Variants in BLK observed in about 807,000 individuals in gnomAD.
The protein encoded by BLK is BLK proto-oncogene, Src family tyrosine kinase.
A neutral mutation model predicts 61.8 loss-of-function variants in BLK; 64 were observed. That is an observed-to-expected ratio of 1.03 (90% confidence interval 0.85 to 1.27). BLK has a LOEUF of 1.27. Among genes scored for constraint, BLK ranks in the 50% most tolerant of loss-of-function variants. The probability of loss-of-function intolerance (pLI) is 0.00; values close to 1 mark genes in which losing one functional copy is unlikely to be tolerated. For synonymous variants in BLK, 351 were observed against 272.0 expected (o/e 1.29, Z -2.86); for missense variants, 853 against 660.5 (o/e 1.29, Z -3.19).
Position 11,549,086 on chromosome 8 carries a change from A to G in BLK, c.332A>G (p.Asn111Ser). Residue 111 changes from asparagine to serine, a missense_variant, in exon 5 of 13, where the codon AAC becomes AGC. Coordinates refer to ENST00000259089, the MANE Select transcript of BLK (RefSeq NM_001715.3). ...VTGREGYVPS[N>S]FVARVESLEM... ...GGAAGAGAAGGCTATGTGCCCAGTA[A>G]CTTTGTGGCCCGAGTGGAGAGCCTG... 1 of 1,611,016 alleles carries G rather than the reference A, an allele frequency of 6.2e-7. No homozygotes were observed. The highest frequency in any genetic ancestry group is 8.5e-7 in the Non-Finnish European group (1 of 1,178,862).
At chr8:11,509,557 G>A (rs556693865) in intron 1 of BLK, 5 of 152,204 alleles carry the variant, frequency 3.3e-5, no homozygotes, top group Non-Finnish European at 7.3e-5. Context: ...CAGTCTCCCA[G>A]CTCGGGTTCT....
chr8:11,520,147 G>T (rs999564329), intron 1 of BLK, among the ~76,000 whole-genome samples: 23 of 152,034 alleles, frequency 1.5e-4, no homozygotes, highest in African/African-American at 4.4e-4. Context: ...TATGATTAAG[G>T]AGGGCTCATT....
rs13439390 is a variant in BLK at position 11,522,414 on chromosome 8, A to T, written c.-1-20810A>T. Reference sequence around the variant, plus strand: ...AAAACTCTCAGGTATTGCTGGTGGGATGATAAATGGGTTCGATCGCTTTGG... The same window carrying T: ...AAAACTCTCAGGTATTGCTGGTGGGTTGATAAATGGGTTCGATCGCTTTGG... On this transcript the variant is annotated intron_variant, in intron 1 of 12. Transcript: ENST00000259089. Among the ~76,000 whole-genome samples the T allele has an allele frequency of 9.9e-3, 1,509 of 152,284 alleles. 12 individuals carry two copies. Among genetic ancestry groups the T allele is most frequent in the Middle Eastern group, 0.044 (13 of 294 alleles).
intron 1 of BLK, among the ~76,000 whole-genome samples, chr8:11,528,779 A>C (rs1799777237): frequency 6.6e-6 from 1 of 152,202 alleles, no homozygotes; most frequent in African/African-American, 2.4e-5. Context: ...CGTAAAAAGG[A>C]ACGAGATTAT....
chr8:11,522,692 C>G (rs2117338446), intron 1 of BLK, among the ~76,000 whole-genome samples: 1 of 148,860 alleles, frequency 6.7e-6, no homozygotes, highest in East Asian at 2.0e-4. Flanking sequence ...AAAAAAAGCA[C>G]TGGGAATCTG....
At position 11,564,176 on chromosome 8, in the gene BLK, G is replaced by C. The variant is rs1333730198; in HGVS notation, c.*68G>C. The C allele has an allele frequency of 2.0e-5, 30 of 1,510,394 alleles. No homozygotes were observed. The highest frequency in any genetic ancestry group is 2.6e-5 in the Non-Finnish European group (29 of 1,125,706). 93.6% of individuals were successfully genotyped at this position (1,510,394 alleles called of 1,614,324 possible). A position where few individuals can be genotyped will look rare whatever the true frequency, so the allele number is the denominator to read the frequency against. On this transcript the variant is annotated 3_prime_UTR_variant, in exon 13 of 13. Coordinates refer to ENST00000259089, the MANE Select transcript of BLK (RefSeq NM_001715.3). ...CGACCCCGACTTCCGTGCCATCCCA[G>C]ACGGGCCGCGAAGGCGGGGTGTCGC...
At chr8:11,504,111 G>T (rs542024264) in intron 1 of BLK, among the ~76,000 whole-genome samples, 1 of 152,272 alleles carries the variant, frequency 6.6e-6, no homozygotes, top group South Asian at 2.1e-4. Context: ...ATCACTTGAG[G>T]TCAGGAGTTT....
chr8:11,546,249 G>A (rs773734751), intron 3 of BLK, 146 bp downstream of exon 3: 5 of 938,916 alleles, frequency 5.3e-6, no homozygotes, highest in Admixed American at 1.9e-5. Context: ...CCGGCTCTGT[G>A]CCTCTTGGGG....
rs1801241843 is a variant in BLK, at chr8:11,556,641, C to G, written c.773-17C>G. 7 of 1,614,096 alleles carry G rather than the reference C, an allele frequency of 4.3e-6. No homozygotes were observed. Among genetic ancestry groups the G allele is most frequent in the Non-Finnish European group, 5.1e-6 (6 of 1,180,002 alleles). ...CTCTCTGTCTTCTGATTGGCTTCTT[C>G]ACTCCCCCGGGCTCAGGTTACTACA... On this transcript the variant is annotated splice_polypyrimidine_tract_variant and intron_variant, in intron 8 of 12. Coordinates refer to ENST00000259089, the MANE Select transcript of BLK (RefSeq NM_001715.3).
At chr8:11,523,639 C>A (rs2618446) in intron 1 of BLK, among the ~76,000 whole-genome samples, 128,517 of 152,274 alleles carry the variant, frequency 0.84, 54,897 homozygotes, top group East Asian at 0.98. Context: ...GTAAAAATTA[C>A]ACATATTTAT....
At chr8:11,513,602 T>C (rs1054470133) in intron 1 of BLK, among the ~76,000 whole-genome samples, 2 of 152,342 alleles carry the variant, frequency 1.3e-5, no homozygotes, top group East Asian at 3.9e-4. Flanking sequence ...CAGCCCTCGC[T>C]GCACAGAGAC....
Position 11,561,350 on chromosome 8 carries a change from G to T in BLK, c.1078G>T (p.Asp360Tyr). 6.2e-7 allele frequency: 1 copy of T among 1,614,082 alleles called. No individual in the cohort carries two copies. The highest frequency in any genetic ancestry group is 8.5e-7 in the Non-Finnish European group (1 of 1,180,004). ...TGAGCGCATGAATTCCATCCACCGC[G>T]ACCTGCGGGCGGCCAACATCCTGGT... is the stretch of plus-strand genomic sequence containing the variant. ...YIERMNSIHR[D>Y]LRAANILVSE... Residue 360 changes from aspartate to tyrosine, a missense_variant, in exon 11 of 13, where the codon GAC (aspartate) becomes TAC (tyrosine). By Grantham distance (160) the Asp-to-Tyr change is radical. Transcript: ENST00000259089.
intron 1 of BLK, among the ~76,000 whole-genome samples, chr8:11,504,581 T>C (rs746856115): frequency 2.0e-5 from 3 of 152,164 alleles, no homozygotes; most frequent in Non-Finnish European, 4.4e-5. Context: ...TTTAAGATCT[T>C]TTATCAGTCT....
intron 1 of BLK, among the ~76,000 whole-genome samples, chr8:11,502,776 G>A (rs1005962125): frequency 6.6e-6 from 1 of 152,184 alleles, no homozygotes; most frequent in Non-Finnish European, 1.5e-5. Flanking sequence ...GTGGGGACAA[G>A]TGGAGAATAA....
At chr8:11,514,283 C>G (rs770810714) in intron 1 of BLK, among the ~76,000 whole-genome samples, 9 of 152,218 alleles carry the variant, frequency 5.9e-5, no homozygotes, top group Non-Finnish European at 1.3e-4. Context: ...CCACAGGGTA[C>G]TCCTGTCCAC....
At chr8:11,553,558 G>A (rs887700762) in intron 6 of BLK, 2 of 217,156 alleles carry the variant, frequency 9.2e-6, no homozygotes, top group Non-Finnish European at 1.9e-5. Context: ...CTCATCGCCC[G>A]AGGCACCCGA....
At chr8:11,561,070 G>A (rs1351913034) in intron 10 of BLK, 6 of 688,334 alleles carry the variant, frequency 8.7e-6, no homozygotes, top group Non-Finnish European at 1.6e-5. Flanking sequence ...CGAGGAGGGG[G>A]AGGGGCACAG....
At chr8:11,557,443 C>T (rs1801288540) in intron 9 of BLK, among the ~76,000 whole-genome samples, 3 of 152,202 alleles carry the variant, frequency 2.0e-5, no homozygotes, top group Admixed American at 2.0e-4. Flanking sequence ...TGCCTCTAGC[C>T]TGCCCCTAGG....
chr8:11,516,829 C>G (rs1347369572), intron 1 of BLK, among the ~76,000 whole-genome samples: 1 of 152,226 alleles, frequency 6.6e-6, no homozygotes, highest in Admixed American at 6.5e-5. Flanking sequence ...ATCCATCTGT[C>G]CATGGACACT....
Sources: gnomAD v4.1 joint callset for allele counts (sites outside exome capture counted in the v4.1 genomes callset) on GRCh38, gnomAD v4.1.1 for gene constraint, MANE v1.5 for transcripts, NCBI Gene and HGNC (gene_info 2026-07-23, HGNC 2026-07-21) for gene names.